Variants in ENTHD1 observed in about 807,000 individuals in gnomAD.
ENTHD1 encodes ENTH domain-containing protein 1.
In ENTHD1, 23 loss-of-function variants were observed where a neutral mutation model predicts 39.1. That is an observed-to-expected ratio of 0.59 (90% confidence interval 0.42 to 0.83). ENTHD1 has a LOEUF of 0.83. Among genes scored for constraint, ENTHD1 ranks in the 40% least tolerant of loss-of-function variants. The probability of loss-of-function intolerance (pLI) is 0.00; values close to 1 mark genes in which losing one functional copy is unlikely to be tolerated. For missense variants in ENTHD1, 624 were observed against 705.4 expected (o/e 0.88, Z 1.31); for synonymous variants, 230 against 258.2 (o/e 0.89, Z 1.05).
chr22:39,820,784 GAAAC>G (rs2146649012), intron 5 of ENTHD1, among the ~76,000 whole-genome samples: 1 of 152,168 alleles, frequency 6.6e-6, no homozygotes, highest in African/African-American at 2.4e-5. Flanking sequence ...GTCAATTTTT[GAAAC>G]AAACAATGAA....
intron 4 of ENTHD1, among the ~76,000 whole-genome samples, chr22:39,831,931 TC>T (rs2065872605): frequency 6.6e-6 from 1 of 152,044 alleles, no homozygotes; most frequent in Non-Finnish European, 1.5e-5. Context: ...CCGGAATAAA[TC>T]AAGAAATAAA....
intron 6 of ENTHD1, among the ~76,000 whole-genome samples, chr22:39,745,633 A>T (rs1450257941): frequency 1.3e-5 from 2 of 152,234 alleles, no homozygotes; most frequent in African/African-American, 4.8e-5. Flanking sequence ...AGCCAAGAAC[A>T]GTTAGGAATC....
chr22:39,752,124 T>C (rs1197406405), intron 6 of ENTHD1, among the ~76,000 whole-genome samples: 1 of 152,062 alleles, frequency 6.6e-6, no homozygotes, highest in African/African-American at 2.4e-5. Context: ...GATATACTTT[T>C]TGGTATACTA....
intron 2 of ENTHD1, among the ~76,000 whole-genome samples, chr22:39,873,562 G>A (rs2066261466): frequency 6.6e-6 from 1 of 152,142 alleles, no homozygotes; most frequent in South Asian, 2.1e-4. Flanking sequence ...AATTGGATAT[G>A]TAACCTTACC....
intron 2 of ENTHD1, among the ~76,000 whole-genome samples, chr22:39,869,070 C>T (rs575162136): frequency 2.0e-5 from 3 of 152,278 alleles, no homozygotes; most frequent in South Asian, 4.1e-4. Flanking sequence ...GGAGATTTCT[C>T]AAATAACTGA....
At chr22:39,871,172 A>AAAATAAATAAATAAAT (rs58727605) in intron 2 of ENTHD1, among the ~76,000 whole-genome samples, 47 of 141,276 alleles carry the variant, frequency 3.3e-4, no homozygotes, top group Middle Eastern at 3.6e-3. Context: ...CCCATCTTCT[A>AAAATAAATAAATAAAT]AAATAAATAA....
intron 5 of ENTHD1, among the ~76,000 whole-genome samples, chr22:39,790,533 T>C (rs1348854736): frequency 6.6e-6 from 1 of 152,170 alleles, no homozygotes; most frequent in African/African-American, 2.4e-5. Context: ...GCAGCCCTAC[T>C]GGACAAGCCT....
intron 6 of ENTHD1, among the ~76,000 whole-genome samples, chr22:39,754,705 G>A (rs1416773564): frequency 1.3e-5 from 2 of 151,984 alleles, no homozygotes; most frequent in African/African-American, 2.4e-5. Context: ...CTCTCAGATC[G>A]TGATCCACCT....
intron 3 of ENTHD1, among the ~76,000 whole-genome samples, chr22:39,853,529 TCAAAA>T (rs1041106116): frequency 3.3e-5 from 5 of 152,140 alleles, no homozygotes; most frequent in Admixed American, 6.6e-5. Context: ...AGACTCTGTC[TCAAAA>T]CAAACAACAA....
intron 2 of ENTHD1, among the ~76,000 whole-genome samples, chr22:39,873,455 T>A (rs1246402817): frequency 1.3e-5 from 2 of 152,206 alleles, no homozygotes; most frequent in African/African-American, 2.4e-5. Context: ...TGGATATTTT[T>A]AAGACTCAAC....
At chr22:39,777,617 G>A (rs2065375609) in intron 5 of ENTHD1, among the ~76,000 whole-genome samples, 2 of 152,002 alleles carry the variant, frequency 1.3e-5, no homozygotes, top group South Asian at 4.1e-4. Flanking sequence ...CACATGTAAA[G>A]GTGCTTTTTT....
chr22:39,759,298 T>C (rs1333932601), intron 6 of ENTHD1, among the ~76,000 whole-genome samples: 6 of 152,198 alleles, frequency 3.9e-5, no homozygotes, highest in Non-Finnish European at 7.4e-5. Context: ...TGTATCTATA[T>C]GTCTTTTTTC....
chr22:39,756,316 T>TCTCTCACA (rs1433242336), intron 6 of ENTHD1, among the ~76,000 whole-genome samples: 1 of 138,012 alleles, frequency 7.2e-6, no homozygotes, highest in African/African-American at 2.8e-5. Flanking sequence ...TCTCTCTCTC[T>TCTCTCACA]CACACACACA....
chr22:39,851,263 T>A (rs1327391432), intron 3 of ENTHD1, among the ~76,000 whole-genome samples: 1 of 152,222 alleles, frequency 6.6e-6, no homozygotes, highest in African/African-American at 2.4e-5. Context: ...TACTTTCATA[T>A]TTTCCATTTT....
intron 5 of ENTHD1, among the ~76,000 whole-genome samples, chr22:39,769,807 C>T (rs1039262044): frequency 2.6e-5 from 4 of 151,986 alleles, no homozygotes; most frequent in African/African-American, 9.7e-5. Flanking sequence ...GAAGAGACAA[C>T]AAAAGATAAG....
intron 5 of ENTHD1, among the ~76,000 whole-genome samples, chr22:39,803,711 A>G (rs974697492): frequency 2.0e-5 from 3 of 152,144 alleles, no homozygotes; most frequent in Non-Finnish European, 2.9e-5. Context: ...TTTGACTCTA[A>G]TTTAGGGTGT....
At chr22:39,782,672 A>G (rs934976880) in intron 5 of ENTHD1, among the ~76,000 whole-genome samples, 1 of 152,222 alleles carries the variant, frequency 6.6e-6, no homozygotes, top group African/African-American at 2.4e-5. Flanking sequence ...AAATCAATAA[A>G]CATGATGCAT....
In ENTHD1 at chr22:39,892,837, G is replaced by A. The variant is rs996263607; in HGVS notation, c.-156+858C>T. Among the ~76,000 whole-genome samples the A allele has an allele frequency of 3.9e-5, 6 of 152,180 alleles. No homozygotes were observed. In the East Asian group the frequency reaches 1.2e-3, roughly 29 times the overall value. On this transcript the variant is annotated intron_variant, in intron 1 of 6. Transcript: ENST00000325157. Reference sequence around the variant, plus strand: ...AATGAGCTCTGGCCAAGAATGCTACGGGAAAATGGTTATAGAGACTACCAT... The same window carrying A: ...AATGAGCTCTGGCCAAGAATGCTACAGGAAAATGGTTATAGAGACTACCAT...
intron 2 of ENTHD1, among the ~76,000 whole-genome samples, chr22:39,877,220 A>C (rs1342530206): frequency 6.6e-6 from 1 of 152,174 alleles, no homozygotes; most frequent in African/African-American, 2.4e-5. Flanking sequence ...AAGACCTTCA[A>C]ATTAGTGAAG....
Sources: gnomAD v4.1 joint callset for allele counts (sites outside exome capture counted in the v4.1 genomes callset) on GRCh38, gnomAD v4.1.1 for gene constraint, MANE v1.5 for transcripts, NCBI Gene and HGNC (gene_info 2026-07-23, HGNC 2026-07-21) for gene names.